The following RPL15 variants were observed in gnomAD, a reference collection of about 807,000 sequenced individuals.
RPL15 encodes large ribosomal subunit protein eL15.
For missense variants in RPL15, 161 were observed against 271.8 expected (o/e 0.59, Z 2.87); for synonymous variants, 97 against 95.1 (o/e 1.02, Z -0.12).
intron 3 of RPL15, 36 bp from the exon 4 acceptor site, chr3:23,919,160 T>G (rs1704926329): frequency 7.0e-7 from 1 of 1,433,042 alleles, no homozygotes; most frequent in Admixed American, 1.7e-5. Context: ...ATAGGCAATG[T>G]GGGAGATTGA....
At position 23,919,349 on chromosome 3, in the gene RPL15, G is replaced by A. The variant is rs1704939907; in HGVS notation, c.463G>A (p.Val155Ile). 6.2e-7 allele frequency: 1 copy of A among 1,602,694 alleles called. No individual in the cohort carries two copies. The highest frequency in any genetic ancestry group is 8.5e-7 in the Non-Finnish European group (1 of 1,179,780). Residue 155 changes from valine to isoleucine, a missense_variant, in exon 4 of 4, where the codon GTC becomes ATC. Coordinates refer to ENST00000307839, the MANE Select transcript of RPL15 (RefSeq NM_002948.5). ...TGACACCCAGTGGATCACCAAACCA[G>A]TCCACAAGCACAGGGAGATGCGTGG... ...NPDTQWITKP[V>I]HKHREMRGLT...
chr3:23,920,644 C>T lies in RPL15; in HGVS notation c.*1143C>T, dbSNP rs117552532. ...ACTTTGCTGACTTAATTTAAATGCT[C>T]GTTCTGAACCAATTTTCTCCTATCT... is the stretch of plus-strand genomic sequence containing the variant. On this transcript the variant is annotated 3_prime_UTR_variant, in exon 4 of 4. Coordinates refer to ENST00000307839, the MANE Select transcript of RPL15 (RefSeq NM_002948.5). 564 of 984,834 alleles carry T rather than the reference C, an allele frequency of 5.7e-4. 10 individuals carry two copies. The East Asian group carries it at 0.039, about 69-fold the overall frequency. 61.0% of individuals were successfully genotyped at this position (984,834 alleles called of 1,614,324 possible). A position where few individuals can be genotyped will look rare whatever the true frequency, so the allele number is the denominator to read the frequency against.
At chr3:23,923,262 C>G (rs1375844850), downstream of RPL15, 1 of 147,624 alleles carries the variant, frequency 6.8e-6, no homozygotes, top group Non-Finnish European at 1.5e-5. Flanking sequence ...CTCTTATAGC[C>G]CAGGTTGGAG....
downstream of RPL15, chr3:23,922,228 G>C (rs1705114264): frequency 6.6e-6 from 1 of 152,192 alleles, no homozygotes; most frequent in Non-Finnish European, 1.5e-5. This position sits in a 1 kb window ranked among gnomAD's most constrained non-coding sequence, Gnocchi z 4.2. Flanking sequence ...TTGGGTGATA[G>C]AGCCAGAACT....
In RPL15 at chr3:23,918,929, T is replaced by C. The variant is rs1704890861; in HGVS notation, c.310-267T>C. Reference sequence around the variant, plus strand: ...GATAAGGTCCCCAAACCCTAAATTTTGTTACCCAGATATTAACATATTCCT... The same window carrying C: ...GATAAGGTCCCCAAACCCTAAATTTCGTTACCCAGATATTAACATATTCCT... On this transcript the variant is annotated intron_variant, in intron 3 of 3. Coordinates refer to ENST00000307839, the MANE Select transcript of RPL15 (RefSeq NM_002948.5). 1.3e-5 allele frequency: 7 copies of C among 531,166 alleles called. No individual in the cohort carries two copies. The South Asian group carries it at 2.0e-4, about 15-fold the overall frequency. 32.9% of individuals were successfully genotyped at this position (531,166 alleles called of 1,614,324 possible). A position where few individuals can be genotyped will look rare whatever the true frequency, so the allele number is the denominator to read the frequency against.
rs1705043440 is a variant in RPL15 at position 23,920,893 on chromosome 3, T to G, written c.*1392T>G. 2.0e-6 allele frequency: 1 copy of G among 507,168 alleles called. No homozygotes were observed. The highest frequency in any genetic ancestry group is 6.4e-5 in the Admixed American group (1 of 15,630). The allele number at this position is 507,168 out of a possible 1,614,324, so 31.4% of individuals were successfully genotyped here. On this transcript the variant is annotated 3_prime_UTR_variant, in exon 4 of 4. Transcript: ENST00000307839. ...GTCATCTTACAGTGCTAATGTACTT[T>G]AAAGCAAACCAAATGCCCTAACCAG...
At chr3:23,921,417 C>T (rs1289855076), downstream of RPL15, among the ~76,000 whole-genome samples, 1 of 152,118 alleles carries the variant, frequency 6.6e-6, no homozygotes, top group Non-Finnish European at 1.5e-5. Context: ...TCAAATACAC[C>T]AAACACTTCC....
At position 23,919,757 on chromosome 3, in the gene RPL15, A is replaced by G. The variant is rs1457773178; in HGVS notation, c.*256A>G. ...CAGTGTATAAAACATACTGTGTGGTATAACAGGCTTAATAAATTCTTTAAA... is the reference window on the plus strand; with the variant it reads ...CAGTGTATAAAACATACTGTGTGGTGTAACAGGCTTAATAAATTCTTTAAA... On this transcript the variant is annotated 3_prime_UTR_variant, in exon 4 of 4. Transcript: ENST00000307839. 2 of 1,204,344 alleles carry G rather than the reference A, an allele frequency of 1.7e-6. No individual in the cohort carries two copies. The highest frequency in any genetic ancestry group is 2.1e-6 in the Non-Finnish European group (2 of 969,180). 74.6% of individuals were successfully genotyped at this position (1,204,344 alleles called of 1,614,324 possible).
At chr3:23,918,164 T>C (rs1704781164) in intron 2 of RPL15, 133 bp downstream of exon 2, 1 of 1,165,192 alleles carries the variant, frequency 8.6e-7, no homozygotes, top group Non-Finnish European at 1.2e-6. Flanking sequence ...CTAGCAACAC[T>C]GGTCAGTTAC....
At position 23,920,500 on chromosome 3, in the gene RPL15, T is replaced by TACCA; in HGVS notation, c.*1000_*1003dup. 1 of 985,290 alleles carries TACCA rather than the reference T, an allele frequency of 1.0e-6. No homozygotes were observed. Among genetic ancestry groups the TACCA allele is most frequent in the Non-Finnish European group, 1.2e-6 (1 of 829,788 alleles). 61.0% of individuals were successfully genotyped at this position (985,290 alleles called of 1,614,324 possible). A position where few individuals can be genotyped will look rare whatever the true frequency, so the allele number is the denominator to read the frequency against. On this transcript the variant is annotated 3_prime_UTR_variant, in exon 4 of 4. Coordinates refer to ENST00000307839, the MANE Select transcript of RPL15 (RefSeq NM_002948.5). ...TGTGCACCCACTTTGACTATGAGTA[T>TACCA]ACCACCACATTGCATTTCTGTTTGC...
rs112769435 is a variant in RPL15, at chr3:23,917,636, C to G, written c.-10-214C>G. On this transcript the variant is annotated intron_variant, in intron 1 of 3. Coordinates refer to ENST00000307839, the MANE Select transcript of RPL15 (RefSeq NM_002948.5). ...GTTAATTCGCCCCACCAAAACGTGC[C>G]GAGCACCGCTCTGTGCTGGGGTTGC... The G allele has an allele frequency of 1.4e-3, 693 of 502,288 alleles. 2 individuals carry two copies. Among genetic ancestry groups the G allele is most frequent in the African/African-American group, 9.7e-3 (489 of 50,386 alleles). 31.1% of individuals were successfully genotyped at this position (502,288 alleles called of 1,614,324 possible).
At chr3:23,917,670 CTG>C (rs909913635) in intron 1 of RPL15, 178 bp from the exon 2 acceptor site, 36 of 601,312 alleles carry the variant, frequency 6.0e-5, no homozygotes, top group African/African-American at 5.1e-4. Context: ...GCGGAAGTGA[CTG>C]AACGCGGCTC....
Position 23,920,770 on chromosome 3 carries a change from AAAGAT to A in RPL15, c.*1270_*1274del. On this transcript the variant is annotated 3_prime_UTR_variant, in exon 4 of 4. Transcript: ENST00000307839. Reference sequence around the variant, plus strand: ...ACCTAAATTTCTTCACAAAAAAAGAAAAGATCTTAAGTCATACATTTTAATTGTGT... The same window carrying A: ...ACCTAAATTTCTTCACAAAAAAAGAACTTAAGTCATACATTTTAATTGTGT... The A allele has an allele frequency of 1.0e-6, 1 of 969,060 alleles. No homozygotes were observed. Among genetic ancestry groups the A allele is most frequent in the Middle Eastern group, 5.3e-4 (1 of 1,876 alleles). The allele number at this position is 969,060 out of a possible 1,614,324, so 60.0% of individuals were successfully genotyped here. A position where few individuals can be genotyped will look rare whatever the true frequency, so the allele number is the denominator to read the frequency against.
At chr3:23,921,593 TCCAGATGGAGTC>T, downstream of RPL15, 2 of 627,460 alleles carry the variant, frequency 3.2e-6, no homozygotes, top group South Asian at 1.6e-5. Flanking sequence ...TTTTTTTTTT[TCCAGATGGAGTC>T]TCACTCTCAC....
upstream of RPL15, chr3:23,916,809 C>T (rs1704574742): frequency 6.5e-6 from 1 of 152,746 alleles, no homozygotes; most frequent in Non-Finnish European, 1.5e-5. Context: ...ACCTCAAAGA[C>T]AGCGGCTCCA....
At chr3:23,918,870 T>A (rs908912016) in intron 3 of RPL15, 3 of 506,150 alleles carry the variant, frequency 5.9e-6, no homozygotes, top group Non-Finnish European at 6.9e-6. Flanking sequence ...TTTTTAAAGC[T>A]AAACGTTGCT....
At position 23,919,963 on chromosome 3, in the gene RPL15, T is replaced by C. The variant is rs1704980531; in HGVS notation, c.*462T>C. The stretch of plus-strand genomic sequence containing the variant: ...AAATCTGGGTTAGCCTGAAGAAAAT[T>C]GCCTCAGCCTCCACAGTACCATTTT... On this transcript the variant is annotated 3_prime_UTR_variant, in exon 4 of 4. Transcript: ENST00000307839. 5 of 988,664 alleles carry C rather than the reference T, an allele frequency of 5.1e-6. No individual in the cohort carries two copies. The highest frequency in any genetic ancestry group is 6.0e-6 in the Non-Finnish European group (5 of 831,860). The allele number at this position is 988,664 out of a possible 1,614,324, so 61.2% of individuals were successfully genotyped here. A position where few individuals can be genotyped will look rare whatever the true frequency, so the allele number is the denominator to read the frequency against.
intron 3 of RPL15, 65 bp from the exon 4 acceptor site, chr3:23,919,130 AT>A: frequency 9.0e-7 from 1 of 1,116,054 alleles, no homozygotes; most frequent in South Asian, 1.3e-5. Context: ...GAGAATTAAA[AT>A]TCTTTCTGAC....
At position 23,918,513 on chromosome 3, in the gene RPL15, C is replaced by A; in HGVS notation, c.246C>A (p.Gly82=). ...CAGTTCCTAAGGGTGCAACTTACGG[C>A]AAGCCTGTCCATCATGGTGTTAACC... The part of the protein sequence containing the change: ...KRPVPKGATY[G]KPVHHGVNQL... The change falls in exon 3 of 4, where the codon GGC becomes GGA. Residue 82 remains glycine (G), a synonymous_variant. Coordinates refer to ENST00000307839, the MANE Select transcript of RPL15 (RefSeq NM_002948.5). 1.2e-6 allele frequency: 2 copies of A among 1,613,932 alleles called. No individual in the cohort carries two copies. The highest frequency in any genetic ancestry group is 2.2e-5 in the South Asian group (2 of 91,078).
Sources: gnomAD v4.1 joint callset for allele counts (sites outside exome capture counted in the v4.1 genomes callset) on GRCh38, gnomAD v4.1.1 for gene constraint, Gnocchi (gnomAD v3.1) non-coding constraint, MANE v1.5 for transcripts, NCBI Gene and HGNC (gene_info 2026-07-23, HGNC 2026-07-21) for gene names.